SEC63: variants seen among roughly 807,000 people sequenced by gnomAD.
The protein encoded by SEC63 is SEC63 protein translocation regulator.
A neutral mutation model predicts 116.2 loss-of-function variants in SEC63; 56 were observed. The ratio of observed to expected loss-of-function variants is 0.48; its 90% CI spans 0.39 to 0.60. SEC63 has a LOEUF of 0.60. Among genes scored for constraint, SEC63 ranks in the 20% least tolerant of loss-of-function variants. The probability of loss-of-function intolerance (pLI) is 0.00; values close to 1 mark genes in which losing one functional copy is unlikely to be tolerated. For synonymous variants in SEC63, 273 were observed against 294.6 expected (o/e 0.93, Z 0.75); for missense variants, 668 against 900.0 (o/e 0.74, Z 3.30).
At chr6:107,948,460 G>A (rs554527766) in intron 1 of SEC63, among the ~76,000 whole-genome samples, 2 of 152,202 alleles carry the variant, frequency 1.3e-5, no homozygotes, top group Admixed American at 1.3e-4. Context: ...CCACCTTCAG[G>A]CTAGCTAGCA....
At chr6:107,943,343 ATG>A (rs913105285) in intron 1 of SEC63, among the ~76,000 whole-genome samples, 23 of 152,234 alleles carry the variant, frequency 1.5e-4, no homozygotes, top group African/African-American at 5.5e-4. Context: ...TACAATAGAT[ATG>A]TGTTTCTTTT....
At chr6:107,934,214 G>T (rs1787878566) in intron 1 of SEC63, among the ~76,000 whole-genome samples, 1 of 151,542 alleles carries the variant, frequency 6.6e-6, no homozygotes, top group Non-Finnish European at 1.5e-5. Flanking sequence ...CCTCTGCCTG[G>T]CTGCCCAGTC....
intron 1 of SEC63, among the ~76,000 whole-genome samples, chr6:107,937,584 C>G (rs1034038906): frequency 4.6e-5 from 7 of 152,140 alleles, no homozygotes; most frequent in African/African-American, 1.7e-4. Context: ...ATTGTTGGGT[C>G]AAATCACAAT....
At chr6:107,938,261 T>TTC (rs1311186537) in intron 1 of SEC63, among the ~76,000 whole-genome samples, 1 of 150,838 alleles carries the variant, frequency 6.6e-6, no homozygotes, top group Non-Finnish European at 1.5e-5. Context: ...TTTTTTTTTT[T>TTC]TTTTGAGACA....
chr6:107,927,191 T>C (rs1176774528), intron 2 of SEC63, among the ~76,000 whole-genome samples: 1 of 151,898 alleles, frequency 6.6e-6, no homozygotes, highest in African/African-American at 2.4e-5. Flanking sequence ...GCCTCCGGAG[T>C]AGCTGGGACC....
At chr6:107,954,856 GA>G (rs1168394860) in intron 1 of SEC63, 4 of 152,170 alleles carry the variant, frequency 2.6e-5, no homozygotes, top group African/African-American at 4.8e-5. Context: ...GTAAATCCAA[GA>G]AAAAAGTCCA....
intron 16 of SEC63, among the ~76,000 whole-genome samples, chr6:107,884,408 G>GT (rs1239570579): frequency 6.6e-6 from 1 of 151,838 alleles, no homozygotes; most frequent in Non-Finnish European, 1.5e-5. Flanking sequence ...AACAAGAGGC[G>GT]TAACTATATC....
Position 107,870,429 on chromosome 6 carries a change from C to T in SEC63, c.*1275G>A, listed in dbSNP as rs1786104530. ...AAGGTTGCAAATTTTAGTATTCCAA[C>T]AATATTTTGACCTATGGAGATTTTG... is the stretch of plus-strand genomic sequence containing the variant. On this transcript the variant is annotated 3_prime_UTR_variant, in exon 21 of 21. Coordinates refer to ENST00000369002, the MANE Select transcript of SEC63 (RefSeq NM_007214.5). 1 of 152,632 alleles carries T rather than the reference C, an allele frequency of 6.6e-6. No individual in the cohort carries two copies. The highest frequency in any genetic ancestry group is 1.5e-5 in the Non-Finnish European group (1 of 68,040). 9.5% of individuals were successfully genotyped at this position (152,632 alleles called of 1,614,324 possible). A position where few individuals can be genotyped will look rare whatever the true frequency, so the allele number is the denominator to read the frequency against.
In SEC63 at chr6:107,868,083, AACT is replaced by A. The variant is rs1342715629; in HGVS notation, c.*3618_*3620del. 2 of 150,890 alleles carry A rather than the reference AACT, an allele frequency of 1.3e-5. No individual in the cohort carries two copies. Among genetic ancestry groups the A allele is most frequent in the African/African-American group, 4.9e-5 (2 of 40,892 alleles). 9.3% of individuals were successfully genotyped at this position (150,890 alleles called of 1,614,324 possible). A position where few individuals can be genotyped will look rare whatever the true frequency, so the allele number is the denominator to read the frequency against. Reference sequence around the variant, plus strand: ...TAAATGGATGAGAATGCTTGGTGCTAACTTCTTGAGACATATTTGGACTAATCA... The same window carrying A: ...TAAATGGATGAGAATGCTTGGTGCTATCTTGAGACATATTTGGACTAATCA... On this transcript the variant is annotated 3_prime_UTR_variant, in exon 21 of 21. Coordinates refer to ENST00000369002, the MANE Select transcript of SEC63 (RefSeq NM_007214.5).
At chr6:107,922,003 T>C in intron 3 of SEC63, 94 bp from the exon 4 acceptor site, 2 of 723,724 alleles carry the variant, frequency 2.8e-6, no homozygotes, top group Middle Eastern at 2.4e-4. Context: ...GAACTTAAAA[T>C]ATGAACTACT....
At chr6:107,957,668 A>G in intron 1 of SEC63, 1 of 363,280 alleles carries the variant, frequency 2.8e-6, no homozygotes, top group Non-Finnish European at 4.8e-6. Context: ...AGATGGAGCG[A>G]GCGAAACTCC....
chr6:107,925,683 ATATCTGGCAGTAAGG>A (rs1787659447), intron 2 of SEC63, among the ~76,000 whole-genome samples: 1 of 152,258 alleles, frequency 6.6e-6, no homozygotes, highest in Non-Finnish European at 1.5e-5. Flanking sequence ...CTCTAAAGTA[ATATCTGGCAGTAAGG>A]TATTAAAAGC....
rs1787751845 is a variant in SEC63 at position 107,929,519 on chromosome 6, C to A, written c.125-5G>T. 4.6e-6 allele frequency: 7 copies of A among 1,537,550 alleles called. No individual in the cohort carries two copies. The Middle Eastern group carries it at 8.5e-4, about 186-fold the overall frequency. On this transcript the variant is annotated splice_region_variant and splice_polypyrimidine_tract_variant and intron_variant, in intron 1 of 20. Transcript: ENST00000369002. Reference sequence around the variant, plus strand: ...TATTCTTTAATCGAATTTGCTCTGTCAAGAAAGAAAAATAAGATGAATTAA... The same window carrying A: ...TATTCTTTAATCGAATTTGCTCTGTAAAGAAAGAAAAATAAGATGAATTAA...
intron 1 of SEC63, among the ~76,000 whole-genome samples, chr6:107,934,690 C>A (rs1322550471): frequency 5.8e-4 from 40 of 68,902 alleles, no homozygotes; most frequent in African/African-American, 2.4e-3. Context: ...GCCCCCTGCC[C>A]GGCCAGCCGC....
chr6:107,946,781 A>G (rs986807183), intron 1 of SEC63, among the ~76,000 whole-genome samples: 1 of 152,254 alleles, frequency 6.6e-6, no homozygotes, highest in African/African-American at 2.4e-5. Context: ...AGGCGGGCGG[A>G]TCATCTGAGG....
At chr6:107,897,125 T>C (rs1017264478) in intron 14 of SEC63, among the ~76,000 whole-genome samples, 1 of 152,180 alleles carries the variant, frequency 6.6e-6, no homozygotes, top group South Asian at 2.1e-4. Context: ...TTAGGCTACA[T>C]ACAGGGATGA....
At position 107,872,795 on chromosome 6, in the gene SEC63, T is replaced by A; in HGVS notation, c.2139+13A>T. ...CAGAAAACTCTTATTTATTGAAGAGTCACTATTCTTACCTTCAATGGTTTA... is the reference window on the plus strand; with the variant it reads ...CAGAAAACTCTTATTTATTGAAGAGACACTATTCTTACCTTCAATGGTTTA... On this transcript the variant is annotated intron_variant, in intron 20 of 20. Coordinates refer to ENST00000369002, the MANE Select transcript of SEC63 (RefSeq NM_007214.5). 4 of 1,376,020 alleles carry A rather than the reference T, an allele frequency of 2.9e-6. No homozygotes were observed. The highest frequency in any genetic ancestry group is 4.1e-6 in the Non-Finnish European group (4 of 975,544). The allele number at this position is 1,376,020 out of a possible 1,614,324, so 85.2% of individuals were successfully genotyped here. A position where few individuals can be genotyped will look rare whatever the true frequency, so the allele number is the denominator to read the frequency against.
At chr6:107,901,799 C>G (rs1787011489) in intron 12 of SEC63, among the ~76,000 whole-genome samples, 1 of 151,806 alleles carries the variant, frequency 6.6e-6, no homozygotes, top group Admixed American at 6.6e-5. Flanking sequence ...TTGACTCAAC[C>G]AAGAACTTTG....
intron 4 of SEC63, among the ~76,000 whole-genome samples, chr6:107,918,050 T>G (rs549543838): frequency 2.6e-5 from 4 of 152,200 alleles, no homozygotes; most frequent in Admixed American, 1.3e-4. Context: ...CTGACTTTCT[T>G]GGTAGGGGCT....
Sources: allele counts gnomAD v4.1 joint callset (sites outside exome capture counted in the v4.1 genomes callset), GRCh38; gene constraint gnomAD v4.1.1; transcripts MANE v1.5; gene names NCBI Gene and HGNC (gene_info 2026-07-23, HGNC 2026-07-21).